Variants in SOX6 observed in about 807,000 individuals in gnomAD.
SOX6 encodes the protein transcription factor SOX-6.
Under a neutral mutation model 97.8 loss-of-function variants are expected in SOX6, and 11 were observed. The ratio of observed to expected loss-of-function variants is 0.11; its 90% CI spans 0.07 to 0.19. SOX6 has a LOEUF of 0.19. Ranked by LOEUF, SOX6 falls within the 10% of genes least tolerant of loss-of-function variation. The probability of loss-of-function intolerance (pLI) is 1.00; values close to 1 mark genes in which losing one functional copy is unlikely to be tolerated. For missense variants in SOX6, 810 were observed against 1,039.5 expected (o/e 0.78, Z 3.04); for synonymous variants, 360 against 371.4 (o/e 0.97, Z 0.35).
chr11:16,022,369 T>TCCTC lies in SOX6; in HGVS notation c.1624-7320_1624-7319insGAGG, dbSNP rs1247657866. On this transcript the variant is annotated intron_variant, in intron 12 of 15. Coordinates refer to ENST00000683767, the MANE Select transcript of SOX6 (RefSeq NM_001367873.1). ...TTCCTTCCTTCCTTCCTTCCTTCCT[T>TCCTC]CCTTCCTCCCTCCCTCCCTTCCTCT... Among the ~76,000 whole-genome samples the TCCTC allele has an allele frequency of 1.7e-3, 244 of 146,292 alleles. 1 individual carries two copies. Among genetic ancestry groups the TCCTC allele is most frequent in the Non-Finnish European group, 3.3e-3 (219 of 66,246 alleles).
intron 4 of SOX6, among the ~76,000 whole-genome samples, chr11:16,499,029 C>T (rs1453243713): frequency 6.6e-6 from 1 of 152,154 alleles, no homozygotes; most frequent in Non-Finnish European, 1.5e-5. Context: ...CCACTCACAC[C>T]TATTCCAAAA....
intron 3 of SOX6, among the ~76,000 whole-genome samples, chr11:16,637,032 G>A (rs1848800181): frequency 6.6e-6 from 1 of 151,904 alleles, no homozygotes. Context: ...AGTGTTTAAT[G>A]GTGTCTTCAT....
intron 7 of SOX6, among the ~76,000 whole-genome samples, chr11:16,110,846 A>G (rs905583766): frequency 1.3e-5 from 2 of 152,220 alleles, no homozygotes; most frequent in African/African-American, 4.8e-5. Flanking sequence ...TATTGCTCTA[A>G]GCATATTAAA....
intron 1 of SOX6, among the ~76,000 whole-genome samples, chr11:16,454,258 T>A (rs1859772911): frequency 6.6e-6 from 1 of 152,102 alleles, no homozygotes; most frequent in African/African-American, 2.4e-5. Flanking sequence ...AGCTCAATTG[T>A]TATTTTAATC....
intron 4 of SOX6, among the ~76,000 whole-genome samples, chr11:16,220,017 T>C (rs1281695918): frequency 6.6e-6 from 1 of 152,118 alleles, no homozygotes; most frequent in Admixed American, 6.6e-5. Flanking sequence ...CATAAAAGGC[T>C]AAAGTGAAAT....
intron 6 of SOX6, among the ~76,000 whole-genome samples, chr11:16,146,002 T>C (rs1850283444): frequency 6.6e-6 from 1 of 152,164 alleles, no homozygotes; most frequent in Non-Finnish European, 1.5e-5. Context: ...AAAAAACTAC[T>C]TTAAAGTTCA....
chr11:16,051,483 G>T (rs999959563), intron 10 of SOX6, among the ~76,000 whole-genome samples: 2 of 152,068 alleles, frequency 1.3e-5, no homozygotes, highest in Admixed American at 1.3e-4. Context: ...AAGGCAATTT[G>T]TCACATACGT....
chr11:16,379,784 G>T (rs1399261501), intron 1 of SOX6, among the ~76,000 whole-genome samples: 2 of 151,876 alleles, frequency 1.3e-5, no homozygotes, highest in Admixed American at 6.6e-5. Flanking sequence ...CAAAGATTTA[G>T]CTACAGATGA....
intron 3 of SOX6, among the ~76,000 whole-genome samples, chr11:16,297,613 C>T (rs1855135382): frequency 6.6e-6 from 1 of 152,144 alleles, no homozygotes; most frequent in Admixed American, 6.6e-5. Context: ...CTGATGGGCT[C>T]CACATTACCC....
chr11:16,052,810 A>T (rs1428115119), intron 10 of SOX6, among the ~76,000 whole-genome samples: 1 of 152,076 alleles, frequency 6.6e-6, no homozygotes, highest in Non-Finnish European at 1.5e-5. Context: ...AGTAGGGGTA[A>T]TTTTTCCCCA....
At chr11:16,407,770 C>T (rs184091942) in intron 1 of SOX6, among the ~76,000 whole-genome samples, 9 of 152,054 alleles carry the variant, frequency 5.9e-5, no homozygotes, top group East Asian at 3.9e-4. Flanking sequence ...CACTAACACC[C>T]GAGGAACAAG....
chr11:15,977,562 A>G (rs1853523965), intron 15 of SOX6, among the ~76,000 whole-genome samples: 1 of 151,458 alleles, frequency 6.6e-6, no homozygotes. Context: ...TTCCAATTCC[A>G]TGGTTACTCA....
chr11:16,052,931 T>A (rs2133917503), intron 10 of SOX6, among the ~76,000 whole-genome samples: 1 of 152,304 alleles, frequency 6.6e-6, no homozygotes, highest in South Asian at 2.1e-4. Flanking sequence ...TTTTGTTTGC[T>A]ACATTCTGGT....
chr11:16,357,124 G>A (rs2134369363), upstream of SOX6, among the ~76,000 whole-genome samples: 1 of 152,160 alleles, frequency 6.6e-6, no homozygotes, highest in African/African-American at 2.4e-5. Context: ...TATTTCTCCA[G>A]GCTGGACCTC....
intron 12 of SOX6, among the ~76,000 whole-genome samples, chr11:16,025,276 A>G (rs1274071807): frequency 1.3e-5 from 2 of 152,186 alleles, no homozygotes; most frequent in African/African-American, 4.8e-5. Flanking sequence ...CAGAGGCATG[A>G]TGCAGATTTG....
intron 3 of SOX6, among the ~76,000 whole-genome samples, chr11:16,663,470 A>G (rs1847781672): frequency 6.6e-6 from 1 of 152,092 alleles, no homozygotes; most frequent in Non-Finnish European, 1.5e-5. Flanking sequence ...CTACAGGTGC[A>G]TGACACCATA....
intron 4 of SOX6, among the ~76,000 whole-genome samples, chr11:16,486,302 T>C (rs1394640761): frequency 6.6e-6 from 1 of 152,122 alleles, no homozygotes; most frequent in East Asian, 1.9e-4. Flanking sequence ...TTGTAACTTT[T>C]CACTTCATAA....
chr11:16,231,851 T>G (rs542949182), intron 4 of SOX6, among the ~76,000 whole-genome samples: 1 of 151,718 alleles, frequency 6.6e-6, no homozygotes, highest in South Asian at 2.1e-4. Flanking sequence ...TCATAATATA[T>G]CATTAAGTGG....
intron 1 of SOX6, among the ~76,000 whole-genome samples, chr11:16,349,700 G>GGAAGGAAGGAAGGAAGGAAGGAA (rs1856872430): frequency 2.3e-5 from 1 of 44,152 alleles, no homozygotes; most frequent in African/African-American, 7.8e-5. Context: ...AAGGAAGGAA[G>GGAAGGAAGGAAGGAAGGAAGGAA]GAAGGAAGGA....
Sources: allele counts gnomAD v4.1 joint callset (sites outside exome capture counted in the v4.1 genomes callset), GRCh38; gene constraint gnomAD v4.1.1; transcripts MANE v1.5; gene names NCBI Gene and HGNC (gene_info 2026-07-23, HGNC 2026-07-21).